PKHD1: variants seen among roughly 807,000 people sequenced by gnomAD.
PKHD1 encodes the protein fibrocystin.
PKHD1 carries 291 observed loss-of-function variants against 412.0 expected under a neutral mutation model. That is an observed-to-expected ratio of 0.71 (90% CI 0.64 to 0.78). PKHD1 has a LOEUF of 0.78. PKHD1 is among the 30% of genes least tolerant of loss of function. The pLI, the probability that PKHD1 is intolerant of heterozygous loss-of-function variation, is 0.00. For missense variants in PKHD1, 4,825 were observed against 4,950.7 expected (o/e 0.97, Z 0.76); for synonymous variants, 1,777 against 1,821.5 (o/e 0.98, Z 0.62).
chr6:51,635,720 T>G (rs2580022), intron 64 of PKHD1, among the ~76,000 whole-genome samples: 6,504 of 151,080 alleles, frequency 0.043, 235 homozygotes, highest in African/African-American at 0.094. Flanking sequence ...TCCAAAAGAG[T>G]CCTCTTTGAG....
At chr6:51,807,732 A>G (rs9474081) in intron 52 of PKHD1, among the ~76,000 whole-genome samples, 90,428 of 151,458 alleles carry the variant, frequency 0.6, 27,387 homozygotes, top group East Asian at 0.78. Context: ...TTACATATGG[A>G]GTCTTTGTAT....
chr6:51,846,566 T>A (rs192620041), intron 50 of PKHD1, among the ~76,000 whole-genome samples: 2 of 152,162 alleles, frequency 1.3e-5, no homozygotes, highest in Non-Finnish European at 2.9e-5. Flanking sequence ...GAGAGACCAA[T>A]GCTGACATGG....
At chr6:52,081,873 T>C (rs1261614874) in intron 4 of PKHD1, among the ~76,000 whole-genome samples, 1 of 151,906 alleles carries the variant, frequency 6.6e-6, no homozygotes, top group Non-Finnish European at 1.5e-5. Flanking sequence ...CATGAGTAAA[T>C]AAAAATGAAC....
intron 60 of PKHD1, among the ~76,000 whole-genome samples, chr6:51,683,417 A>G (rs769725908): frequency 2.6e-5 from 4 of 152,078 alleles, no homozygotes; most frequent in Non-Finnish European, 5.9e-5. Context: ...TATAAGAACA[A>G]ATACCAAAAA....
At chr6:51,806,393 G>A in intron 52 of PKHD1, among the ~76,000 whole-genome samples, 1 of 152,164 alleles carries the variant, frequency 6.6e-6, no homozygotes, top group African/African-American at 2.4e-5. Context: ...GTGGAAGATG[G>A]TGCCATGTGC....
chr6:52,072,955 C>T (rs78796368), intron 7 of PKHD1, among the ~76,000 whole-genome samples: 3,922 of 152,290 alleles, frequency 0.026, 79 homozygotes, highest in South Asian at 0.084. Context: ...CTTTCCACCA[C>T]GTCTCCAGTG....
At chr6:52,082,638 T>C in intron 3 of PKHD1, 96 bp from the exon 4 acceptor site, 1 of 1,235,896 alleles carries the variant, frequency 8.1e-7, no homozygotes, top group South Asian at 1.2e-5. Flanking sequence ...ATGTAAGACA[T>C]TAAATTTGCC....
Position 52,084,962 on chromosome 6 carries a change from A to G in PKHD1, c.-29T>C. ...GTCCACTTAAATCAATACTCTTAAG[A>G]TTGCTCAGACATTAAAAGCATTTTC... On this transcript the variant is annotated 5_prime_UTR_variant, in exon 2 of 67. Transcript: ENST00000371117. The G allele has an allele frequency of 6.7e-7, 1 of 1,492,766 alleles. No homozygotes were observed. The allele number at this position is 1,492,766 out of a possible 1,614,324, so 92.5% of individuals were successfully genotyped here. A position where few individuals can be genotyped will look rare whatever the true frequency, so the allele number is the denominator to read the frequency against.
intron 37 of PKHD1, among the ~76,000 whole-genome samples, chr6:51,919,135 A>C (rs1784290849): frequency 2.0e-5 from 3 of 152,214 alleles, no homozygotes; most frequent in Admixed American, 2.0e-4. Flanking sequence ...TAGTTTAATT[A>C]GATCCCATTT....
chr6:51,792,091 A>G (rs1443490401), intron 52 of PKHD1, among the ~76,000 whole-genome samples: 2 of 152,208 alleles, frequency 1.3e-5, no homozygotes, highest in Non-Finnish European at 2.9e-5. Flanking sequence ...ATTTAAAATC[A>G]TTATATTTTA....
chr6:51,966,859 T>A (rs1277256235), intron 35 of PKHD1, among the ~76,000 whole-genome samples: 4 of 151,364 alleles, frequency 2.6e-5, no homozygotes, highest in Non-Finnish European at 4.4e-5. Context: ...AAGAGCTATT[T>A]GATATGGAGT....
chr6:51,635,782 G>C (rs960009145), intron 64 of PKHD1, among the ~76,000 whole-genome samples: 3 of 148,320 alleles, frequency 2.0e-5, no homozygotes, highest in East Asian at 2.0e-4. Context: ...GTGACTTTCT[G>C]GGGGGAGAAT....
intron 53 of PKHD1, among the ~76,000 whole-genome samples, chr6:51,783,810 C>T (rs1006433243): frequency 4.6e-5 from 7 of 152,128 alleles, no homozygotes; most frequent in Non-Finnish European, 1.0e-4. Flanking sequence ...ACTTTGAATC[C>T]TACAACACAT....
intron 60 of PKHD1, among the ~76,000 whole-genome samples, chr6:51,668,922 TTGATG>T (rs1420735122): frequency 6.6e-6 from 1 of 152,232 alleles, no homozygotes; most frequent in Non-Finnish European, 1.5e-5. Context: ...GATAAGCTGT[TTGATG>T]TGCTGCTGGA....
At chr6:51,626,851 G>T in intron 66 of PKHD1, 146 bp downstream of exon 66, 2 of 785,164 alleles carry the variant, frequency 2.5e-6, no homozygotes, top group South Asian at 1.4e-5. Context: ...TTTCTGCTGG[G>T]GTATAATTTC....
intron 50 of PKHD1, among the ~76,000 whole-genome samples, chr6:51,840,028 T>C (rs557459591): frequency 6.6e-6 from 1 of 152,128 alleles, no homozygotes; most frequent in East Asian, 1.9e-4. Context: ...CATTTTTACC[T>C]CTTACCTCCA....
At chr6:52,057,648 C>T (rs562992181) in intron 16 of PKHD1, among the ~76,000 whole-genome samples, 125 of 152,332 alleles carry the variant, frequency 8.2e-4, no homozygotes, top group Non-Finnish European at 1.0e-4. Flanking sequence ...ATCACTTGAC[C>T]TTGTGATCAG....
At chr6:51,658,576 T>G (rs1772271211) in intron 61 of PKHD1, among the ~76,000 whole-genome samples, 1 of 152,108 alleles carries the variant, frequency 6.6e-6, no homozygotes, top group Non-Finnish European at 1.5e-5. Context: ...AGCAACAGAA[T>G]AACATCTATT....
At chr6:51,690,271 C>CAAAAAAAAAAA (rs70977310) in intron 60 of PKHD1, among the ~76,000 whole-genome samples, 34 of 109,914 alleles carry the variant, frequency 3.1e-4, no homozygotes, top group Non-Finnish European at 5.1e-4. Context: ...GACTCCATCT[C>CAAAAAAAAAAA]AAAAAAAAAA....
Sources: gnomAD v4.1 joint callset for allele counts (sites outside exome capture counted in the v4.1 genomes callset) on GRCh38, gnomAD v4.1.1 for gene constraint, MANE v1.5 for transcripts, NCBI Gene and HGNC (gene_info 2026-07-23, HGNC 2026-07-21) for gene names.